SUMF1: variants seen among roughly 807,000 people sequenced by gnomAD.
SUMF1 encodes the protein sulfatase modifying factor 1, also known as formylglycine-generating enzyme.
In SUMF1, 48 loss-of-function variants were observed where a neutral mutation model predicts 47.6. The observed-to-expected ratio is 1.01, with a 90% CI of 0.80 to 1.28. The LOEUF (loss-of-function observed/expected upper bound fraction) is 1.28, where lower values mean the gene tolerates loss of function less well. Ranked by LOEUF, SUMF1 falls within the 50% of genes most tolerant of loss-of-function variation. The probability of loss-of-function intolerance (pLI) is 0.00; values close to 1 mark genes in which losing one functional copy is unlikely to be tolerated. For synonymous variants in SUMF1, 230 were observed against 192.1 expected, an observed-to-expected ratio of 1.20 and a Z score of -1.63; for missense variants, 571 against 485.4, an observed-to-expected ratio of 1.18 and a Z score of -1.66.
intron 8 of SUMF1, chr3:4,317,286 A>G: frequency 7.5e-7 from 1 of 1,327,288 alleles, no homozygotes; most frequent in Non-Finnish European, 1.0e-6. Flanking sequence ...TTTAAAATTC[A>G]CAGTCCAAAA....
At position 4,449,284 on chromosome 3, in the gene SUMF1, C is replaced by G; in HGVS notation, c.501G>C (p.Lys167Asn). The G allele has an allele frequency of 6.2e-7, 1 of 1,614,136 alleles. No individual in the cohort carries two copies. The highest frequency in any genetic ancestry group is 8.5e-7 in the Non-Finnish European group (1 of 1,179,992). The stretch of plus-strand genomic sequence containing the variant: ...TACTTACTGCCTGTTGAATATTGGT[C>G]TTCACTTGCTCACTCAACATGCCTT... ...VFEGMLSEQVKTNIQQAVAAA... is the reference protein window; with the variant it reads ...VFEGMLSEQVNTNIQQAVAAA... The change falls in exon 3 of 9, where the codon AAG becomes AAC. Residue 167 changes from lysine to asparagine, a missense_variant. Transcript: ENST00000272902.
At chr3:4,440,335 C>A (rs1473755130) in intron 3 of SUMF1, among the ~76,000 whole-genome samples, 1 of 150,770 alleles carries the variant, frequency 6.6e-6, no homozygotes, top group East Asian at 2.0e-4. Flanking sequence ...TGTACTGAAA[C>A]TTGCCCTTCT....
intron 3 of SUMF1, among the ~76,000 whole-genome samples, chr3:4,431,843 T>C (rs1372041411): frequency 6.6e-6 from 1 of 152,150 alleles, no homozygotes; most frequent in Non-Finnish European, 1.5e-5. Flanking sequence ...ATTAAGAGCA[T>C]CCCATTTCGC....
chr3:4,175,299 A>C (rs1694934283), intron 8 of SUMF1, among the ~76,000 whole-genome samples: 2 of 151,996 alleles, frequency 1.3e-5, no homozygotes, highest in Non-Finnish European at 1.5e-5. Flanking sequence ...CAGTCACCTC[A>C]TACAGCCAGC....
rs1236958925 is a variant in SUMF1, at chr3:4,380,289, G to A, written c.955-3900C>T. Among the ~76,000 whole-genome samples, 6 of 152,190 alleles carry A rather than the reference G, an allele frequency of 3.9e-5. No individual in the cohort carries two copies. The East Asian group carries it at 1.2e-3, about 29-fold the overall frequency. ...TGCAGCAACATGAATGGTGCTGCAG[G>A]CCATTATTATCCTATGTGAATTAAC... On this transcript the variant is annotated intron_variant, in intron 7 of 8. Transcript: ENST00000272902.
intron 8 of SUMF1, among the ~76,000 whole-genome samples, chr3:4,285,992 T>G (rs1012475776): frequency 6.6e-6 from 1 of 152,144 alleles, no homozygotes; most frequent in Non-Finnish European, 1.5e-5. Flanking sequence ...TAGAAATACT[T>G]GCAGAAATAT....
chr3:4,160,234 C>T (rs1392422045), intron 8 of SUMF1, among the ~76,000 whole-genome samples: 1 of 151,982 alleles, frequency 6.6e-6, no homozygotes, highest in East Asian at 1.9e-4. Flanking sequence ...TATAGGCATG[C>T]TCTATTCTTT....
chr3:4,383,492 G>A (rs1167061080), intron 7 of SUMF1, among the ~76,000 whole-genome samples: 2 of 152,190 alleles, frequency 1.3e-5, no homozygotes, highest in Non-Finnish European at 2.9e-5. Flanking sequence ...ATATCCTCTG[G>A]TCGTGGTGGT....
At chr3:4,075,101 A>C (rs1692391146) in intron 8 of SUMF1, among the ~76,000 whole-genome samples, 1 of 152,146 alleles carries the variant, frequency 6.6e-6, no homozygotes, top group South Asian at 2.1e-4. Flanking sequence ...CCTCAATAAA[A>C]TACTGGCAAA....
At chr3:4,073,964 G>A (rs1342206030) in intron 8 of SUMF1, among the ~76,000 whole-genome samples, 1 of 152,148 alleles carries the variant, frequency 6.6e-6, no homozygotes, top group Non-Finnish European at 1.5e-5. Flanking sequence ...TCCAGGACTT[G>A]AAATCAGCTC....
intron 8 of SUMF1, among the ~76,000 whole-genome samples, chr3:4,330,549 G>A (rs189499139): frequency 1.3e-5 from 2 of 152,228 alleles, no homozygotes; most frequent in African/African-American, 2.4e-5. Flanking sequence ...ACAGTATGGG[G>A]GAAACTGCCA....
At chr3:4,316,501 A>C (rs573824448) in intron 8 of SUMF1, 1 of 1,598,532 alleles carries the variant, frequency 6.3e-7, no homozygotes, top group South Asian at 1.1e-5. Flanking sequence ...GAAGAACTCA[A>C]TGTCAACCAT....
rs923314208 is a variant in SUMF1, at chr3:4,217,014, G to A, written c.1015-148269C>T. Among the ~76,000 whole-genome samples the A allele has an allele frequency of 9.2e-5, 14 of 152,222 alleles. 1 individual carries two copies. The East Asian group carries it at 2.3e-3, about 25-fold the overall frequency. On this transcript the variant is annotated intron_variant and NMD_transcript_variant, in intron 8 of 12. Transcript: ENST00000448413. ...GTTGACCCAGCAATCCCATTACTGGGAATATACCCAAAGGATTATAAATCA... is the reference window on the plus strand; with the variant it reads ...GTTGACCCAGCAATCCCATTACTGGAAATATACCCAAAGGATTATAAATCA...
intron 8 of SUMF1, among the ~76,000 whole-genome samples, chr3:4,241,082 G>A (rs1696527323): frequency 6.6e-6 from 1 of 152,096 alleles, no homozygotes; most frequent in Admixed American, 6.6e-5. Context: ...TGGTTTATTA[G>A]AGATAGAATT....
At chr3:4,294,539 G>T (rs185685124) in intron 8 of SUMF1, among the ~76,000 whole-genome samples, 8 of 152,300 alleles carry the variant, frequency 5.3e-5, no homozygotes, top group Admixed American at 1.3e-4. Context: ...CCTCTGAGTT[G>T]TAGAGAGTGT....
At chr3:4,046,034 C>A (rs551999274) in intron 9 of SUMF1, among the ~76,000 whole-genome samples, 10 of 151,972 alleles carry the variant, frequency 6.6e-5, no homozygotes, top group Non-Finnish European at 1.3e-4. Flanking sequence ...CTGGGGGACA[C>A]AGCAAGAGCT....
chr3:4,466,371 A>C (rs1399564222), intron 1 of SUMF1, among the ~76,000 whole-genome samples: 2 of 152,022 alleles, frequency 1.3e-5, no homozygotes, highest in Non-Finnish European at 2.9e-5. Context: ...CGGCCTCCCA[A>C]AGTGCTGGGA....
At chr3:4,221,441 GTGTGT>G (rs1203459434) in intron 8 of SUMF1, among the ~76,000 whole-genome samples, 1 of 151,646 alleles carries the variant, frequency 6.6e-6, no homozygotes, top group Non-Finnish European at 1.5e-5. Flanking sequence ...GTGTGTGTGT[GTGTGT>G]GTGTGTTTTG....
chr3:4,090,288 C>G (rs79891653), intron 8 of SUMF1, among the ~76,000 whole-genome samples: 3 of 152,094 alleles, frequency 2.0e-5, no homozygotes, highest in African/African-American at 7.2e-5. Context: ...CACATTCCCC[C>G]ATGTCTGCAT....
Sources: gnomAD v4.1 joint callset for allele counts (sites outside exome capture counted in the v4.1 genomes callset) on GRCh38, gnomAD v4.1.1 for gene constraint, MANE v1.5 for transcripts, NCBI Gene and HGNC (gene_info 2026-07-23, HGNC 2026-07-21) for gene names.